The following SPG7 variants were observed in gnomAD, a reference collection of about 807,000 sequenced individuals.
SPG7 encodes SPG7 matrix AAA peptidase subunit, paraplegin, also known as mitochondrial inner membrane m-AAA protease component paraplegin.
SPG7 carries 103 observed loss-of-function variants against 81.9 expected under a neutral mutation model. The ratio of observed to expected loss-of-function variants is 1.26; its 90% CI spans 1.07 to 1.48. The LOEUF (loss-of-function observed/expected upper bound fraction) is 1.48. SPG7 is among the 40% of genes most tolerant of loss of function. The pLI, the probability that SPG7 is intolerant of heterozygous loss-of-function variation, is 0.00. For missense variants in SPG7, 1,241 were observed against 1,087.3 expected (o/e 1.14, Z -1.99); for synonymous variants, 534 against 444.2 (o/e 1.20, Z -2.54).
chr16:89,523,541 C>G, intron 3 of SPG7: 1 of 361,932 alleles, frequency 2.8e-6, no homozygotes, highest in Non-Finnish European at 5.5e-6. Flanking sequence ...CACTTTGCAG[C>G]AGGAGAGCTG....
At chr16:89,545,021 C>T in intron 10 of SPG7, 5 of 560,948 alleles carry the variant, frequency 8.9e-6, no homozygotes, top group Non-Finnish European at 1.6e-5. Flanking sequence ...TGGCTGCACT[C>T]ACTGCTCGGG....
chr16:89,510,740 C>G, intron 2 of SPG7, 148 bp downstream of exon 2: 1 of 681,096 alleles, frequency 1.5e-6, no homozygotes, highest in Non-Finnish European at 2.7e-6. Context: ...TCAGAGCTCA[C>G]TACAGCCTAG....
At position 89,546,432 on chromosome 16, in the gene SPG7, C is replaced by T. The variant is rs1031570964; in HGVS notation, c.1450-226C>T. On this transcript the variant is annotated intron_variant, in intron 10 of 16. Transcript: ENST00000645818. ...GTGGCTCACGCCTGTAACCCCAGCA[C>T]TTTGGGAGGCCGAGGCAGGTGGATC... 5 of 511,156 alleles carry T rather than the reference C, an allele frequency of 9.8e-6. No individual in the cohort carries two copies. In the Admixed American group the frequency reaches 1.0e-4, roughly 11 times the overall value. The allele number at this position is 511,156 out of a possible 1,614,324, so 31.7% of individuals were successfully genotyped here.
chr16:89,508,962 C>CG (rs2057973770), intron 1 of SPG7: 1 of 497,586 alleles, frequency 2.0e-6, no homozygotes, highest in Non-Finnish European at 3.9e-6. Context: ...TCGATTCCGT[C>CG]ACCAGGAATT....
rs1039429490 is a variant in SPG7, at chr16:89,546,924, G to C, written c.1552+164G>C. 25 of 655,924 alleles carry C rather than the reference G, an allele frequency of 3.8e-5. No homozygotes were observed. In the African/African-American group the frequency reaches 3.9e-4, roughly 10 times the overall value. The allele number at this position is 655,924 out of a possible 1,614,324, so 40.6% of individuals were successfully genotyped here. On this transcript the variant is annotated intron_variant, in intron 11 of 16. Transcript: ENST00000645818. ...AGGGAGCTGATGTGTATGTGGGGCA[G>C]CAGGAGGTCCAGACGGCACCCGCAC... is the stretch of plus-strand genomic sequence containing the variant.
intron 3 of SPG7, among the ~76,000 whole-genome samples, chr16:89,513,376 C>T (rs1039770832): frequency 6.6e-6 from 1 of 151,974 alleles, no homozygotes; most frequent in Non-Finnish European, 1.5e-5. Flanking sequence ...ATTAGCCGGG[C>T]GTGATGGCAC....
intron 3 of SPG7, among the ~76,000 whole-genome samples, chr16:89,514,088 G>T (rs1054784046): frequency 5.9e-5 from 9 of 152,110 alleles, no homozygotes; most frequent in Admixed American, 5.9e-4. Context: ...TCATAACTGC[G>T]GGAAGGGACA....
chr16:89,542,523 G>T (rs1567924133), intron 9 of SPG7, among the ~76,000 whole-genome samples: 1 of 152,220 alleles, frequency 6.6e-6, no homozygotes, highest in Admixed American at 6.5e-5. Flanking sequence ...TAGCATCCCA[G>T]CTTATCACAT....
intron 9 of SPG7, chr16:89,533,250 C>T (rs1249493836): frequency 6.5e-6 from 1 of 153,892 alleles, no homozygotes; most frequent in African/African-American, 2.4e-5. Context: ...TCACTGCAGG[C>T]TCTGTCTCCC....
Position 89,524,152 on chromosome 16 carries a change from C to T in SPG7, c.523C>T (p.Leu175=). ...CTGGAACGACTTTGTCCACGAGATG[C>T]TGGCCAAGGGCGAGGTGCAGCGCGT... The part of the protein sequence containing the change: ...ISWNDFVHEM[L]AKGEVQRVQV... Residue 175 remains leucine, a synonymous_variant, in exon 4 of 17, where the codon CTG becomes TTG. Transcript: ENST00000645818. 2 of 1,614,124 alleles carry T rather than the reference C, an allele frequency of 1.2e-6. No individual in the cohort carries two copies. The highest frequency in any genetic ancestry group is 1.7e-6 in the Non-Finnish European group (2 of 1,180,036).
chr16:89,532,671 C>A, intron 9 of SPG7, 35 bp downstream of exon 9: 1 of 1,611,458 alleles, frequency 6.2e-7, no homozygotes. Context: ...CCCATTGCAC[C>A]ATCAGAGGAG....
intron 10 of SPG7, 60 bp from the exon 11 acceptor site, chr16:89,546,598 C>A (rs1035001077): frequency 6.1e-6 from 7 of 1,144,434 alleles, no homozygotes; most frequent in Non-Finnish European, 8.0e-6. Context: ...ACAAACATGC[C>A]GCACCTGTGG....
chr16:89,547,493 G>A (rs1009899632), intron 11 of SPG7: 3 of 186,830 alleles, frequency 1.6e-5, no homozygotes, highest in African/African-American at 4.8e-5. Flanking sequence ...TCCTGGCGCC[G>A]GCGCCTGCCG....
At position 89,510,825 on chromosome 16, in the gene SPG7, C is replaced by T. The variant is rs139783203; in HGVS notation, c.286+233C>T. On this transcript the variant is annotated intron_variant, in intron 2 of 16. Coordinates refer to ENST00000645818, the MANE Select transcript of SPG7 (RefSeq NM_003119.4). ...GACTACAGGCGTGTACCGTCACACT[C>T]GGCTAATTGTTTTTTGTAGAGACAA... Among the ~76,000 whole-genome samples, 4 of 152,154 alleles carry T rather than the reference C, an allele frequency of 2.6e-5. No homozygotes were observed. The East Asian group carries it at 5.8e-4, about 22-fold the overall frequency.
At position 89,554,523 on chromosome 16, in the gene SPG7, C is replaced by T. The variant is rs1398327257; in HGVS notation, c.2141C>T (p.Thr714Ile). Reference protein sequence around the residue: ...RLLVAKAYRHTEKVLQDNLDK... With the variant: ...RLLVAKAYRHIEKVLQDNLDK... The stretch of plus-strand genomic sequence containing the variant: ...CTGGTGGCCAAGGCCTACAGACACA[C>T]CGAGAAGGTGCTGCAGGACAACCTG... Residue 714 changes from threonine to isoleucine, a missense_variant, in exon 16 of 17, where the codon ACC (threonine) becomes ATC (isoleucine). Coordinates refer to ENST00000645818, the MANE Select transcript of SPG7 (RefSeq NM_003119.4). The T allele has an allele frequency of 1.9e-6, 3 of 1,609,610 alleles. No individual in the cohort carries two copies. The highest frequency in any genetic ancestry group is 2.5e-6 in the Non-Finnish European group (3 of 1,179,918).
At chr16:89,534,037 T>A (rs1194945539) in intron 9 of SPG7, among the ~76,000 whole-genome samples, 5 of 152,184 alleles carry the variant, frequency 3.3e-5, no homozygotes, top group African/African-American at 4.8e-5. Context: ...TCACATAGAT[T>A]TACCATTTTA....
chr16:89,533,083 A>G (rs2058367319), intron 9 of SPG7: 2 of 177,228 alleles, frequency 1.1e-5, no homozygotes, highest in South Asian at 1.1e-4. Context: ...CAAAAAAAAA[A>G]AAAAAAAAAA....
Position 89,536,478 on chromosome 16 carries a change from G to A in SPG7, c.1324+3842G>A, listed in dbSNP as rs866053751. On this transcript the variant is annotated intron_variant, in intron 9 of 16. Coordinates refer to ENST00000645818, the MANE Select transcript of SPG7 (RefSeq NM_003119.4). ...GTGAGGCGGGTGAGGCGGGTGAGGC[G>A]GGTGAGGTCAGGTGAGGCAGGTGAG... 4.5e-5 allele frequency among the ~76,000 whole-genome samples: 5 copies of A among 111,626 alleles called. 1 individual carries two copies. The highest frequency in any genetic ancestry group is 2.0e-5 in the Non-Finnish European group (1 of 49,900). The allele number at this position is 111,626 out of a possible 152,430, so 73.2% of individuals were successfully genotyped here.
At chr16:89,516,628 A>G (rs2058100330) in intron 3 of SPG7, among the ~76,000 whole-genome samples, 1 of 152,008 alleles carries the variant, frequency 6.6e-6, no homozygotes, top group Non-Finnish European at 1.5e-5. Context: ...TGGGAGGCCA[A>G]GGCGAGCAGA....
Sources: gnomAD v4.1 joint callset for allele counts (sites outside exome capture counted in the v4.1 genomes callset) on GRCh38, gnomAD v4.1.1 for gene constraint, MANE v1.5 for transcripts, NCBI Gene and HGNC (gene_info 2026-07-23, HGNC 2026-07-21) for gene names.